Variants in MLLT10 observed in about 807,000 individuals in gnomAD.
MLLT10 encodes MLLT10 histone lysine methyltransferase DOT1L cofactor.
In MLLT10, 30 loss-of-function variants were observed where a neutral mutation model predicts 129.1. The observed-to-expected ratio is 0.23, with a 90% CI of 0.17 to 0.32. The LOEUF (loss-of-function observed/expected upper bound fraction) is 0.32. Among genes scored for constraint, MLLT10 ranks in the 10% least tolerant of loss-of-function variants. The probability of loss-of-function intolerance (pLI) is 1.00; values close to 1 mark genes in which losing one functional copy is unlikely to be tolerated. For synonymous variants in MLLT10, 490 were observed against 446.4 expected (o/e 1.10, Z -1.23); for missense variants, 1,119 against 1,268.3 (o/e 0.88, Z 1.79).
At chr10:21,543,052 G>A (rs766426604) in intron 3 of MLLT10, among the ~76,000 whole-genome samples, 63 of 151,704 alleles carry the variant, frequency 4.2e-4, no homozygotes, top group Non-Finnish European at 3.4e-4. Context: ...TCCGCCTCCC[G>A]GGTTCAAGTG....
chr10:21,739,716 T>TA (rs1253567683), intron 21 of MLLT10, among the ~76,000 whole-genome samples: 1 of 152,180 alleles, frequency 6.6e-6, no homozygotes, highest in Non-Finnish European at 1.5e-5. Flanking sequence ...TGGAAAGGGT[T>TA]TGACCACGCA....
chr10:21,633,944 C>G (rs1346979363), intron 8 of MLLT10, among the ~76,000 whole-genome samples: 1 of 152,144 alleles, frequency 6.6e-6, no homozygotes, highest in African/African-American at 2.4e-5. Flanking sequence ...TCAAACGTTG[C>G]ATTTAGTTGT....
At chr10:21,560,420 A>G (rs186934196) in intron 3 of MLLT10, among the ~76,000 whole-genome samples, 151 of 152,170 alleles carry the variant, frequency 9.9e-4, no homozygotes, top group Non-Finnish European at 9.1e-4. Context: ...GTTTTCTTCA[A>G]TTCTTCTTAT....
chr10:21,689,731 A>G (rs1366120887), intron 13 of MLLT10, among the ~76,000 whole-genome samples: 3 of 149,952 alleles, frequency 2.0e-5, no homozygotes, highest in Admixed American at 1.3e-4. Context: ...AACATTAGCT[A>G]TTAGTCCAAG....
At chr10:21,699,197 A>G (rs1002211194) in intron 13 of MLLT10, among the ~76,000 whole-genome samples, 3 of 150,964 alleles carry the variant, frequency 2.0e-5, no homozygotes, top group Admixed American at 1.3e-4. Flanking sequence ...CTTTTGAGAA[A>G]TATCTATTCA....
At chr10:21,569,593 G>C (rs1164404838) in intron 3 of MLLT10, among the ~76,000 whole-genome samples, 1 of 151,510 alleles carries the variant, frequency 6.6e-6, no homozygotes, top group Non-Finnish European at 1.5e-5. Flanking sequence ...GCTAATTTTT[G>C]TATTTTTAGC....
At chr10:21,711,632 G>T (rs1271402316) in intron 13 of MLLT10, among the ~76,000 whole-genome samples, 1 of 151,098 alleles carries the variant, frequency 6.6e-6, no homozygotes, top group Non-Finnish European at 1.5e-5. Flanking sequence ...TGTGGTCCCA[G>T]CTACTTGGGA....
In MLLT10 at chr10:21,702,223, C is replaced by T. The variant is rs549310836; in HGVS notation, c.1700-11549C>T. Among the ~76,000 whole-genome samples, 3 of 152,248 alleles carry T rather than the reference C, an allele frequency of 2.0e-5. No individual in the cohort carries two copies. The South Asian group carries it at 6.2e-4, about 32-fold the overall frequency. On this transcript the variant is annotated intron_variant, in intron 13 of 22. Coordinates refer to ENST00000307729, the MANE Select transcript of MLLT10 (RefSeq NM_001195626.3). ...TACAGGCGTGAGCCACTGTGCCTGGCTATGTTATTTAATTTTTATGTATTT... is the reference window on the plus strand; with the variant it reads ...TACAGGCGTGAGCCACTGTGCCTGGTTATGTTATTTAATTTTTATGTATTT...
intron 3 of MLLT10, among the ~76,000 whole-genome samples, chr10:21,554,014 A>T (rs2037504661): frequency 6.6e-6 from 1 of 152,070 alleles, no homozygotes; most frequent in Non-Finnish European, 1.5e-5. Context: ...TTTTCTCTTT[A>T]ACCTGGTTAT....
intron 6 of MLLT10, among the ~76,000 whole-genome samples, chr10:21,613,451 CTT>C (rs1261677929): frequency 6.6e-6 from 1 of 152,012 alleles, no homozygotes. Context: ...CGGTTTTTGA[CTT>C]TTATAAATTC....
chr10:21,690,660 T>C (rs987476709), intron 13 of MLLT10, among the ~76,000 whole-genome samples: 4 of 152,064 alleles, frequency 2.6e-5, no homozygotes, highest in Non-Finnish European at 5.9e-5. Context: ...CCGAAATACC[T>C]CTGTCCTGGA....
chr10:21,534,734 CGA>C lies in MLLT10; in HGVS notation c.96_97del (p.Gly33LeufsTer39), dbSNP rs2130871715. The C allele has an allele frequency of 6.2e-7, 1 of 1,613,368 alleles. No individual in the cohort carries two copies. The highest frequency in any genetic ancestry group is 8.5e-7 in the Non-Finnish European group (1 of 1,179,528). Reference protein sequence around the residue: ...MIGGCCVCSDERGWAENPLVY... With the variant: ...MIGGCCVCSDXRGWAENPLVY... ...TTGGAGGCTGTTGCGTTTGCTCAGA[CGA>C]GAGAGGCTGGGCCGAGAACCCGCTG... is the stretch of plus-strand genomic sequence containing the variant. On this transcript the variant is annotated frameshift_variant, in exon 2 of 23. Transcript: ENST00000307729. LOFTEE classifies it high-confidence loss of function.
intron 9 of MLLT10, 145 bp downstream of exon 9, chr10:21,651,913 T>C (rs1354924318): frequency 5.7e-6 from 3 of 527,410 alleles, no homozygotes; most frequent in African/African-American, 2.3e-5. Context: ...CTTTTTTTTT[T>C]TTTTTTTTTT....
rs564879589 is a variant in MLLT10 at position 21,706,437 on chromosome 10, A to G, written c.1700-7335A>G. ...TAGATGAGGTATATGAGGTTGTGTG[A>G]GGTTAAGTTATTTGCACGAGGGAGC... On this transcript the variant is annotated intron_variant, in intron 13 of 22. Transcript: ENST00000307729. 2.6e-5 allele frequency among the ~76,000 whole-genome samples: 4 copies of G among 152,320 alleles called. No homozygotes were observed. The East Asian group carries it at 7.7e-4, about 29-fold the overall frequency.
chr10:21,725,021 A>C (rs2057382268), intron 14 of MLLT10, among the ~76,000 whole-genome samples: 1 of 152,266 alleles, frequency 6.6e-6, no homozygotes, highest in Non-Finnish European at 1.5e-5. Flanking sequence ...CATTGTATAG[A>C]AAACATACTT....
intron 14 of MLLT10, among the ~76,000 whole-genome samples, chr10:21,717,542 C>CTCT (rs1483509223): frequency 2.6e-5 from 3 of 115,656 alleles, no homozygotes; most frequent in Admixed American, 1.9e-4. Flanking sequence ...CCTCCTCCTC[C>CTCT]CTTCTTCTTT....
intron 9 of MLLT10, among the ~76,000 whole-genome samples, chr10:21,653,958 T>G (rs2049304320): frequency 6.6e-6 from 1 of 152,196 alleles, no homozygotes; most frequent in Admixed American, 6.5e-5. Flanking sequence ...TCGAAAGATC[T>G]GGAAGAGGAG....
chr10:21,586,263 T>C, intron 3 of MLLT10, 31 bp from the exon 4 acceptor site: 1 of 1,488,280 alleles, frequency 6.7e-7, no homozygotes. Context: ...TCTGAAATAT[T>C]CATTACCTGT....
At chr10:21,584,071 G>A (rs1322731598) in intron 3 of MLLT10, among the ~76,000 whole-genome samples, 3 of 150,530 alleles carry the variant, frequency 2.0e-5, no homozygotes, top group East Asian at 3.9e-4. Context: ...GGGTTTCACC[G>A]TGTTAGCCAG....
Sources: allele counts gnomAD v4.1 joint callset (sites outside exome capture counted in the v4.1 genomes callset), GRCh38; gene constraint gnomAD v4.1.1; transcripts MANE v1.5; gene names NCBI Gene and HGNC (gene_info 2026-07-23, HGNC 2026-07-21).